The following CIROZ variants were observed in gnomAD, a reference collection of about 807,000 sequenced individuals.
The protein encoded by CIROZ is ciliated left-right organizer protein containing ZP-N domains.
At chr1:10,968,024 G>T in the CIROZ span, among the ~76,000 whole-genome samples, 20 of 151,376 alleles carry the variant, frequency 1.3e-4, no homozygotes, top group African/African-American at 3.2e-4. Context: ...TCGGCGCGGT[G>T]GGGGGGCACC....
At chr1:10,958,382 C>G in the CIROZ span, among the ~76,000 whole-genome samples, 2 of 152,216 alleles carry the variant, frequency 1.3e-5, no homozygotes, top group African/African-American at 4.8e-5. Context: ...AAGCTCCTTA[C>G]AAAGGAACAA....
the CIROZ span, among the ~76,000 whole-genome samples, chr1:10,959,367 T>C: frequency 0.24 from 35,702 of 151,902 alleles, 5,235 homozygotes; most frequent in South Asian, 0.48. This position sits in a 1 kb window ranked among gnomAD's most constrained non-coding sequence, Gnocchi z 4.3. Context: ...AGCCATCCCG[T>C]AGGGTGGCAC....
At chr1:10,975,100 C>T in the CIROZ span, among the ~76,000 whole-genome samples, 1 of 152,042 alleles carries the variant, frequency 6.6e-6, no homozygotes, top group Admixed American at 6.6e-5. Flanking sequence ...GATGAAACCC[C>T]GCCTCTACTA....
the CIROZ span, among the ~76,000 whole-genome samples, chr1:10,961,694 A>C: frequency 1.3e-5 from 2 of 152,198 alleles, no homozygotes; most frequent in Non-Finnish European, 2.9e-5. Context: ...CTGTAATCCT[A>C]GCATTTTGGG....
At chr1:10,955,268 C>T in the CIROZ span, 220,437 of 1,337,914 alleles carry the variant, frequency 0.16, 21,576 homozygotes, top group South Asian at 0.37. Flanking sequence ...GGGCCTTTGC[C>T]AGGGGCCACA....
the CIROZ span, among the ~76,000 whole-genome samples, chr1:10,951,887 C>G: frequency 2.6e-5 from 4 of 151,698 alleles, no homozygotes; most frequent in South Asian, 2.1e-4. Flanking sequence ...CTTTTGGGGT[C>G]AGGGAAGAGG....
At chr1:10,959,936 C>T in the CIROZ span, among the ~76,000 whole-genome samples, 2 of 152,312 alleles carry the variant, frequency 1.3e-5, no homozygotes, top group East Asian at 3.9e-4. The surrounding 1 kb of genome is among the most constrained non-coding windows in gnomAD (Gnocchi z 4.3). Flanking sequence ...GAGATGTCCA[C>T]AAGGTCTGGC....
chr1:10,981,420 C>T, the CIROZ span, among the ~76,000 whole-genome samples: 1 of 151,814 alleles, frequency 6.6e-6, no homozygotes, highest in Non-Finnish European at 1.5e-5. Context: ...CACTGCACTC[C>T]AGCCTGGGCA....
At chr1:10,948,853 A>C in the CIROZ span, 3 of 1,484,708 alleles carry the variant, frequency 2.0e-6, no homozygotes, top group African/African-American at 1.4e-5. Context: ...TTCTTCACCA[A>C]GAGAGAAGTG....
the CIROZ span, chr1:10,957,489 G>A: frequency 7.1e-7 from 1 of 1,413,696 alleles, no homozygotes; most frequent in African/African-American, 1.4e-5. Flanking sequence ...GAAGGCGCCT[G>A]CCTAAATCTG....
the CIROZ span, among the ~76,000 whole-genome samples, chr1:10,959,343 C>T: frequency 7.2e-5 from 11 of 152,156 alleles, no homozygotes; most frequent in Admixed American, 1.3e-4. This position sits in a 1 kb window ranked among gnomAD's most constrained non-coding sequence, Gnocchi z 4.3. Flanking sequence ...TCTCGTACCG[C>T]GCCTGAGTCT....
At chr1:10,949,299 C>A in the CIROZ span, 1 of 379,852 alleles carries the variant, frequency 2.6e-6, no homozygotes, top group Admixed American at 4.2e-5. Context: ...CCTCAGTTTC[C>A]CTCCCTCCAT....
the CIROZ span, chr1:10,966,332 A>G: frequency 6.7e-7 from 1 of 1,499,804 alleles, no homozygotes; most frequent in Non-Finnish European, 8.8e-7. Flanking sequence ...TTTAAAAAAA[A>G]AAAAAGAAAA....
the CIROZ span, chr1:10,958,722 T>C: frequency 6.2e-7 from 1 of 1,614,128 alleles, no homozygotes; most frequent in South Asian, 1.1e-5. Flanking sequence ...ACCTGTCTAT[T>C]GTCCCTCCAC....
chr1:10,947,816 G>T, the CIROZ span: 58 of 1,599,742 alleles, frequency 3.6e-5, no homozygotes, highest in Non-Finnish European at 4.6e-5. Context: ...GCTCCACCAG[G>T]CTGGGTAGCA....
the CIROZ span, among the ~76,000 whole-genome samples, chr1:10,965,452 A>G: frequency 6.6e-6 from 1 of 152,200 alleles, no homozygotes; most frequent in Admixed American, 6.5e-5. Context: ...ATGCTGGCAC[A>G]GTGGCTCATT....
chr1:10,979,208 G>A, the CIROZ span, among the ~76,000 whole-genome samples: 1 of 152,090 alleles, frequency 6.6e-6, no homozygotes. Flanking sequence ...GGCCATGGCT[G>A]GTCTTGAGCT....
chr1:10,954,639 T>C, the CIROZ span, among the ~76,000 whole-genome samples: 1 of 152,182 alleles, frequency 6.6e-6, no homozygotes, highest in African/African-American at 2.4e-5. Flanking sequence ...CATTTCTTTC[T>C]TTTTTACTTT....
chr1:10,949,730 G>A, the CIROZ span: 36 of 1,591,104 alleles, frequency 2.3e-5, no homozygotes, highest in African/African-American at 8.1e-5. Context: ...TGGCACTCCC[G>A]CTGGAGGGGT....
Sources: gnomAD v4.1 joint callset for allele counts (sites outside exome capture counted in the v4.1 genomes callset) on GRCh38, gnomAD v4.1.1 for gene constraint, Gnocchi (gnomAD v3.1) non-coding constraint, MANE v1.5 for transcripts, NCBI Gene and HGNC (gene_info 2026-07-23, HGNC 2026-07-21) for gene names.